PJA2: variants seen among roughly 807,000 people sequenced by gnomAD.
PJA2 encodes praja ring finger ubiquitin ligase 2.
A neutral mutation model predicts 69.3 loss-of-function variants in PJA2; 25 were observed. That is an observed-to-expected ratio of 0.36 (90% CI 0.26 to 0.50). The LOEUF is 0.50. Ranked by LOEUF, PJA2 falls within the 20% of genes least tolerant of loss-of-function variation. The pLI, the probability that PJA2 is intolerant of heterozygous loss-of-function variation, is 0.96. For missense variants in PJA2, 809 were observed against 830.2 expected, an observed-to-expected ratio of 0.97 and a Z score of 0.31; for synonymous variants, 308 against 277.8, an observed-to-expected ratio of 1.11 and a Z score of -1.08.
chr5:109,406,750 G>C (rs1747700972), intron 1 of PJA2, among the ~76,000 whole-genome samples: 1 of 152,090 alleles, frequency 6.6e-6, no homozygotes, highest in Non-Finnish European at 1.5e-5. Context: ...AACAAATGAA[G>C]GCTATTTATT....
intron 6 of PJA2, among the ~76,000 whole-genome samples, chr5:109,359,093 T>C (rs915824571): frequency 1.3e-5 from 2 of 152,178 alleles, no homozygotes; most frequent in African/African-American, 4.8e-5. Flanking sequence ...AGCTTACTAC[T>C]CAATATGAAG....
intron 2 of PJA2, 94 bp from the exon 3 acceptor site, chr5:109,381,797 T>C (rs1224856680): frequency 1.0e-6 from 1 of 1,003,124 alleles, no homozygotes; most frequent in African/African-American, 1.6e-5. Context: ...TATTTTATTA[T>C]TTATCAAATC....
At chr5:109,371,014 T>C (rs982685435) in intron 4 of PJA2, among the ~76,000 whole-genome samples, 1 of 152,234 alleles carries the variant, frequency 6.6e-6, no homozygotes, top group South Asian at 2.1e-4. Context: ...ATTGGCAAAC[T>C]ACTACAGGCT....
intron 4 of PJA2, among the ~76,000 whole-genome samples, chr5:109,376,437 A>T (rs374469683): frequency 2.6e-5 from 4 of 152,126 alleles, no homozygotes; most frequent in African/African-American, 9.6e-5. Flanking sequence ...AAAGAAAATC[A>T]ATTTAAAATC....
rs1443555514 is a variant in PJA2 at position 109,343,286 on chromosome 5, A to AAAAAG, written c.2001+903_2001+904insCTTTT. On this transcript the variant is annotated intron_variant, in intron 9 of 9. Coordinates refer to ENST00000361189, the MANE Select transcript of PJA2 (RefSeq NM_014819.5). ...TTAAGGGCGGTGCAAAAAAAAAAAA[A>AAAAAG]AAAAAAGAAAGAAAGAAAGAAAGAA... Among the ~76,000 whole-genome samples, 277 of 97,014 alleles carry AAAAAG rather than the reference A, an allele frequency of 2.9e-3. 13 individuals are homozygous for AAAAAG. The highest frequency in any genetic ancestry group is 9.7e-3 in the African/African-American group (230 of 23,602). The allele number at this position is 97,014 out of a possible 152,430, so 63.6% of individuals were successfully genotyped here. A position where few individuals can be genotyped will look rare whatever the true frequency, so the allele number is the denominator to read the frequency against.
At chr5:109,394,120 T>A (rs747266766) in intron 1 of PJA2, among the ~76,000 whole-genome samples, 36 of 141,326 alleles carry the variant, frequency 2.5e-4, no homozygotes, top group Admixed American at 1.0e-3. Flanking sequence ...CAATCTTGGC[T>A]CACTGCAACA....
Position 109,337,376 on chromosome 5 carries a change from T to C in PJA2, c.2002-20A>G. On this transcript the variant is annotated intron_variant, in intron 9 of 9. Transcript: ENST00000361189. ...TCCCGACTGGAGAAAAAAAAAATGT[T>C]AAGAGCCACCAGAATCATCTTAACT... 3 of 1,574,374 alleles carry C rather than the reference T, an allele frequency of 1.9e-6. No individual in the cohort carries two copies. Among genetic ancestry groups the C allele is most frequent in the Non-Finnish European group, 2.6e-6 (3 of 1,162,662 alleles).
intron 1 of PJA2, among the ~76,000 whole-genome samples, chr5:109,406,151 A>C (rs953865472): frequency 6.8e-6 from 1 of 147,340 alleles, no homozygotes; most frequent in East Asian, 2.0e-4. Flanking sequence ...TCACGCCATT[A>C]TCCTAACTCA....
rs748373024 is a variant in PJA2, at chr5:109,337,268, G to A, written c.2090C>T (p.Ala697Val). ...TGCAATACTGTCATTTGAAGGTGGG[G>A]CATCAGGATCAGGCTCAGAGGAAGG... ...AAPSSEPDPD[A>V]PPSNDSIAEA... The change falls in exon 10 of 10, where the codon GCC becomes GTC. Residue 697 changes from alanine (A) to valine (V), a missense_variant. Physicochemically the swap from Ala to Val is moderately conservative, Grantham distance 64 (BLOSUM62 0). Coordinates refer to ENST00000361189, the MANE Select transcript of PJA2 (RefSeq NM_014819.5). The A allele has an allele frequency of 3.2e-5, 51 of 1,613,530 alleles. No individual in the cohort carries two copies. The South Asian group carries it at 5.4e-4, about 17-fold the overall frequency.
At chr5:109,357,648 T>C (rs978273066) in intron 6 of PJA2, among the ~76,000 whole-genome samples, 7 of 152,156 alleles carry the variant, frequency 4.6e-5, no homozygotes, top group African/African-American at 1.4e-4. Flanking sequence ...GGCACCACAG[T>C]AGACATTCAA....
At chr5:109,395,544 A>G (rs1405856198) in intron 1 of PJA2, among the ~76,000 whole-genome samples, 4 of 152,142 alleles carry the variant, frequency 2.6e-5, no homozygotes, top group African/African-American at 9.7e-5. Flanking sequence ...GGGAATAAAA[A>G]TCTTCCCACA....
At chr5:109,356,812 G>GA (rs1251911323) in intron 6 of PJA2, among the ~76,000 whole-genome samples, 3 of 151,898 alleles carry the variant, frequency 2.0e-5, no homozygotes, top group African/African-American at 7.3e-5. Context: ...TATACAGCTT[G>GA]AAAAATAGCT....
chr5:109,366,218 CTAAA>C (rs1281316096), intron 5 of PJA2, among the ~76,000 whole-genome samples: 23 of 152,146 alleles, frequency 1.5e-4, no homozygotes, highest in Non-Finnish European at 1.0e-4. Context: ...AACTACCTTA[CTAAA>C]TAGTCTGAAT....
intron 9 of PJA2, among the ~76,000 whole-genome samples, chr5:109,339,883 A>G (rs1275266998): frequency 6.6e-6 from 1 of 152,236 alleles, no homozygotes; most frequent in Admixed American, 6.5e-5. Flanking sequence ...AATGCCAGAT[A>G]AACAGATTAA....
chr5:109,390,456 G>C (rs1194542654), intron 1 of PJA2, among the ~76,000 whole-genome samples: 1 of 151,638 alleles, frequency 6.6e-6, no homozygotes, highest in African/African-American at 2.4e-5. Context: ...CATTTTACCT[G>C]TGCCTTTACT....
chr5:109,370,432 C>A (rs1762658212), intron 4 of PJA2, among the ~76,000 whole-genome samples: 1 of 152,144 alleles, frequency 6.6e-6, no homozygotes, highest in Non-Finnish European at 1.5e-5. Flanking sequence ...TAGCACTAAT[C>A]TAAGCTCTGA....
chr5:109,355,626 C>G (rs1762400779), intron 7 of PJA2, among the ~76,000 whole-genome samples: 1 of 152,186 alleles, frequency 6.6e-6, no homozygotes, highest in African/African-American at 2.4e-5. Context: ...AAGATATTCA[C>G]TCTCATACTT....
intron 9 of PJA2, 124 bp downstream of exon 9, chr5:109,344,066 C>T (rs1762132072): frequency 6.0e-6 from 4 of 668,686 alleles, no homozygotes; most frequent in Non-Finnish European, 9.0e-6. Context: ...CACTGCACTC[C>T]AGCCTAGGTG....
At position 109,365,177 on chromosome 5, in the gene PJA2, A is replaced by G. The variant is rs540683755; in HGVS notation, c.1470-2155T>C. Among the ~76,000 whole-genome samples, 53 of 152,296 alleles carry G rather than the reference A, an allele frequency of 3.5e-4. 1 individual carries two copies. The highest frequency in any genetic ancestry group is 3.4e-3 in the Middle Eastern group (1 of 294). On this transcript the variant is annotated intron_variant, in intron 5 of 9. Transcript: ENST00000361189. ...ACAATGTGTTTTTTATTTTTTCTTC[A>G]GCATTACTCACAATAGCCAAAACTG...
Sources: gnomAD v4.1 joint callset for allele counts (sites outside exome capture counted in the v4.1 genomes callset) on GRCh38, gnomAD v4.1.1 for gene constraint, MANE v1.5 for transcripts, NCBI Gene and HGNC (gene_info 2026-07-23, HGNC 2026-07-21) for gene names.